CASZ1: variants seen among roughly 807,000 people sequenced by gnomAD.
The protein encoded by CASZ1 is zinc finger protein castor homolog 1.
In CASZ1, 28 loss-of-function variants were observed where a neutral mutation model predicts 135.2. The observed-to-expected ratio is 0.21, with a 90% CI of 0.15 to 0.28. The LOEUF (loss-of-function observed/expected upper bound fraction) is 0.28. Among genes scored for constraint, CASZ1 ranks in the 10% least tolerant of loss-of-function variants. CASZ1 has a pLI of 1.00. For synonymous variants in CASZ1, 1,068 were observed against 1,073.4 expected (o/e 0.99, Z 0.10); for missense variants, 2,161 against 2,453.3 (o/e 0.88, Z 2.52).
In CASZ1 at chr1:10,653,426, C is replaced by T. The variant is rs749857842; in HGVS notation, c.2631G>A (p.Met877Ile). The change falls in exon 11 of 21, where the codon ATG (methionine) becomes ATA (isoleucine). Residue 877 changes from methionine (M) to isoleucine (I), a missense_variant. Around this residue, in one of 7 missense-constraint regions of CASZ1, gnomAD observed 406 missense variants for 387.6 expected, o/e 1.05. Coordinates refer to ENST00000377022, the MANE Select transcript of CASZ1 (RefSeq NM_001079843.3). ...SASKGLISPM[M>I]ARLAAAALKP... is the part of the protein sequence containing the mutation. ...TGAGGGCAGCTGCAGCCAGCCTGGC[C>T]ATCATGGGCGAGATGAGGCCCTTGC... The T allele has an allele frequency of 6.2e-7, 1 of 1,613,334 alleles. No individual in the cohort carries two copies. Among genetic ancestry groups the T allele is most frequent in the Admixed American group, 1.7e-5 (1 of 60,022 alleles).
At chr1:10,651,118 G>T (rs1642565691) in intron 11 of CASZ1, 42 bp from the exon 12 acceptor site, 1 of 1,438,134 alleles carries the variant, frequency 7.0e-7, no homozygotes, top group Middle Eastern at 2.5e-4. Context: ...GGGGCTGAAG[G>T]CCTGGCCCGG....
At position 10,709,060 on chromosome 1, in the gene CASZ1, G is replaced by A. The variant is rs1003722067; in HGVS notation, c.-76-3516C>T. ...AGGCGGAGAAGTGGCAGGGACCAGC[G>A]TACCAGGACCTGAAGGGGCCTCCTC... On this transcript the variant is annotated intron_variant, in intron 2 of 20. Coordinates refer to ENST00000377022, the MANE Select transcript of CASZ1 (RefSeq NM_001079843.3). This position sits in a 1 kb window ranked among gnomAD's most constrained non-coding sequence, Gnocchi z 5.1. Among the ~76,000 whole-genome samples the A allele has an allele frequency of 1.3e-5, 2 of 152,016 alleles. No homozygotes were observed. The highest frequency in any genetic ancestry group is 1.3e-4 in the Admixed American group (2 of 15,264).
chr1:10,765,265 G>A (rs205487), intron 1 of CASZ1, among the ~76,000 whole-genome samples: 2,321 of 152,006 alleles, frequency 0.015, 52 homozygotes, highest in African/African-American at 0.052. Flanking sequence ...GAGAGGGTAC[G>A]TGGTGGAAGA....
rs1639486258 is a variant in CASZ1, at chr1:10,720,945, C to T, written c.-76-15401G>A. On this transcript the variant is annotated intron_variant, in intron 2 of 20. Transcript: ENST00000377022. This position sits in a 1 kb window ranked among gnomAD's most constrained non-coding sequence, Gnocchi z 5.7. ...TCATGCCCTGCCTACCACCCACCGTCCCAGGGAAGTTCACCCTGCTCAGGG... is the reference window on the plus strand; with the variant it reads ...TCATGCCCTGCCTACCACCCACCGTTCCAGGGAAGTTCACCCTGCTCAGGG... 6.6e-6 allele frequency among the ~76,000 whole-genome samples: 1 copy of T among 152,150 alleles called. No homozygotes were observed. Among genetic ancestry groups the T allele is most frequent in the African/African-American group, 2.4e-5 (1 of 41,446 alleles).
Position 10,645,107 on chromosome 1 carries a change from G to A in CASZ1, c.3697-19C>T. 1.1e-5 allele frequency: 17 copies of A among 1,610,850 alleles called. No homozygotes were observed. The highest frequency in any genetic ancestry group is 1.3e-5 in the Non-Finnish European group (15 of 1,178,060). The stretch of plus-strand genomic sequence containing the variant: ...CGCAGTGCTGCAGGGAGACACGGGA[G>A]GGTCAGGACAGGCGGGTGACTTTCA... On this transcript the variant is annotated intron_variant, in intron 17 of 20. Transcript: ENST00000377022.
intron 4 of CASZ1, among the ~76,000 whole-genome samples, chr1:10,691,004 C>A (rs570523158): frequency 5.3e-5 from 8 of 152,094 alleles, no homozygotes; most frequent in South Asian, 2.1e-4. Context: ...TCCCCTCCCC[C>A]CTTCCCGCTC....
Position 10,700,729 on chromosome 1 carries a change from G to A in CASZ1, c.-24+4763C>T, listed in dbSNP as rs1639044794. On this transcript the variant is annotated intron_variant, in intron 3 of 20. Transcript: ENST00000377022. This position sits in a 1 kb window ranked among gnomAD's most constrained non-coding sequence, Gnocchi z 4.2. ...GCATCTTCAGGAAATCATCGTTAGT[G>A]GAACCCTAGGTCTGCTGATAGTGGG... Among the ~76,000 whole-genome samples the A allele has an allele frequency of 6.6e-6, 1 of 152,134 alleles. No individual in the cohort carries two copies. Among genetic ancestry groups the A allele is most frequent in the African/African-American group, 2.4e-5 (1 of 41,398 alleles).
At chr1:10,769,900 C>T (rs749293744) in intron 1 of CASZ1, among the ~76,000 whole-genome samples, 1 of 151,760 alleles carries the variant, frequency 6.6e-6, no homozygotes, top group Non-Finnish European at 1.5e-5. Context: ...CAAGGACCAG[C>T]CTGCAAGATC....
intron 1 of CASZ1, among the ~76,000 whole-genome samples, chr1:10,795,827 C>A (rs975671797): frequency 2.0e-5 from 3 of 152,192 alleles, no homozygotes; most frequent in Non-Finnish European, 4.4e-5. Context: ...TCTAAGAAAT[C>A]TCTTGCCTTC....
chr1:10,654,439 C>A lies in CASZ1; in HGVS notation c.1818G>T (p.Lys606Asn). The A allele has an allele frequency of 6.2e-7, 1 of 1,614,120 alleles. No individual in the cohort carries two copies. Among genetic ancestry groups the A allele is most frequent in the South Asian group, 1.1e-5 (1 of 91,060 alleles). Residue 606 changes from lysine (K) to asparagine (N), a missense_variant, in exon 10 of 21, where the codon AAG becomes AAT. By Grantham distance (94) the Lys-to-Asn change is moderately conservative. Coordinates refer to ENST00000377022, the MANE Select transcript of CASZ1 (RefSeq NM_001079843.3). ...CTTACCTGCAGTGGAAGTGCGTGGT[C>A]TTCTGTCCGTAGAACTGGCAGTCGG... Reference protein sequence around the residue: ...GTADCQFYGQKTTHFHCRRPG... With the variant: ...GTADCQFYGQNTTHFHCRRPG...
Position 10,725,140 on chromosome 1 carries a change from T to C in CASZ1, c.-76-19596A>G, listed in dbSNP as rs1166389010. Among the ~76,000 whole-genome samples the C allele has an allele frequency of 3.3e-5, 5 of 152,114 alleles. No homozygotes were observed. In the East Asian group the frequency reaches 9.7e-4, roughly 30 times the overall value. ...CTCGGTGGGGGTAGGATTCCCTAGT[T>C]GGCCAGGGAGCCCTGGATGGATACG... On this transcript the variant is annotated intron_variant, in intron 2 of 20. Coordinates refer to ENST00000377022, the MANE Select transcript of CASZ1 (RefSeq NM_001079843.3). The surrounding 1 kb of genome is among the most constrained non-coding windows in gnomAD (Gnocchi z 4.4).
At position 10,694,105 on chromosome 1, in the gene CASZ1, C is replaced by T. The variant is rs1411921210; in HGVS notation, c.-23-193G>A. On this transcript the variant is annotated intron_variant, in intron 3 of 20. Coordinates refer to ENST00000377022, the MANE Select transcript of CASZ1 (RefSeq NM_001079843.3). This position sits in a 1 kb window ranked among gnomAD's most constrained non-coding sequence, Gnocchi z 6.6. Reference sequence around the variant, plus strand: ...TCTCACGCTCGGCCCCGCACGCGCCCGCGGGTCCGCGCCGCCTGAGTTTCT... The same window carrying T: ...TCTCACGCTCGGCCCCGCACGCGCCTGCGGGTCCGCGCCGCCTGAGTTTCT... 2.0e-5 allele frequency among the ~76,000 whole-genome samples: 3 copies of T among 151,484 alleles called. No individual in the cohort carries two copies. The highest frequency in any genetic ancestry group is 7.3e-5 in the African/African-American group (3 of 41,340).
chr1:10,751,240 A>T (rs1312448416), intron 2 of CASZ1, among the ~76,000 whole-genome samples: 1 of 152,182 alleles, frequency 6.6e-6, no homozygotes, highest in Non-Finnish European at 1.5e-5. Context: ...GGACAGGGTG[A>T]CAAGGATCTG....
In CASZ1 at chr1:10,755,440, G is replaced by A. The variant is rs1418713866; in HGVS notation, c.-77+5261C>T. On this transcript the variant is annotated intron_variant, in intron 2 of 20. Coordinates refer to ENST00000377022, the MANE Select transcript of CASZ1 (RefSeq NM_001079843.3). This position sits in a 1 kb window ranked among gnomAD's most constrained non-coding sequence, Gnocchi z 4.3. ...TCAGGGACAGAGGCAGGGCAGAGGC[G>A]CTTCTCTCTTCGTCCACCACACCGC... is the stretch of plus-strand genomic sequence containing the variant. 6.6e-6 allele frequency among the ~76,000 whole-genome samples: 1 copy of A among 152,232 alleles called. No homozygotes were observed. The highest frequency in any genetic ancestry group is 1.5e-5 in the Non-Finnish European group (1 of 68,016).
In CASZ1 at chr1:10,739,641, GCTC is replaced by G. The variant is rs1179541033; in HGVS notation, c.-77+21057_-77+21059del. 1.3e-5 allele frequency among the ~76,000 whole-genome samples: 2 copies of G among 152,180 alleles called. No homozygotes were observed. The highest frequency in any genetic ancestry group is 2.9e-5 in the Non-Finnish European group (2 of 68,030). Reference sequence around the variant, plus strand: ...GTTGATCAAAACAACAGGGCCACCAGCTCCTCAAGAGTCCAAGCTATAGTTTGG... The same window carrying G: ...GTTGATCAAAACAACAGGGCCACCAGCTCAAGAGTCCAAGCTATAGTTTGG... On this transcript the variant is annotated intron_variant, in intron 2 of 20. Transcript: ENST00000377022. The surrounding 1 kb of genome is among the most constrained non-coding windows in gnomAD (Gnocchi z 4.8).
chr1:10,695,557 C>G (rs1208716320), intron 3 of CASZ1, among the ~76,000 whole-genome samples: 1 of 132,528 alleles, frequency 7.5e-6, no homozygotes, highest in Non-Finnish European at 1.7e-5. Flanking sequence ...AGGCCCATCC[C>G]GGCTCCTCCT....
In CASZ1 at chr1:10,666,303, C is replaced by T. The variant is rs905861162; in HGVS notation, c.17-732G>A. Among the ~76,000 whole-genome samples, 3 of 152,214 alleles carry T rather than the reference C, an allele frequency of 2.0e-5. No individual in the cohort carries two copies. The highest frequency in any genetic ancestry group is 4.4e-5 in the Non-Finnish European group (3 of 68,036). On this transcript the variant is annotated intron_variant, in intron 4 of 20. Coordinates refer to ENST00000377022, the MANE Select transcript of CASZ1 (RefSeq NM_001079843.3). This position sits in a 1 kb window ranked among gnomAD's most constrained non-coding sequence, Gnocchi z 5.2. The stretch of plus-strand genomic sequence containing the variant: ...GTGTTCCTCAGTCTCCTCCCTGCCT[C>T]AGGGTCTTCTCCAGCCCTTGCCAGC...
chr1:10,659,676 G>A (rs755877024), intron 6 of CASZ1, 26 bp downstream of exon 6: 5 of 1,576,282 alleles, frequency 3.2e-6, no homozygotes, highest in Non-Finnish European at 2.6e-6. Context: ...CTGGCTCTGG[G>A]CATTGTGGGG....
chr1:10,644,988 T>C lies in CASZ1; in HGVS notation c.3797A>G (p.His1266Arg). The C allele has an allele frequency of 6.2e-7, 1 of 1,614,074 alleles. No individual in the cohort carries two copies. Among genetic ancestry groups the C allele is most frequent in the Non-Finnish European group, 8.5e-7 (1 of 1,180,022 alleles). Reference sequence around the variant, plus strand: ...GGCTGCCCGCCGCTCCGCCTTCTCATGCTTCTTGATGTGCCAGGGGAGCTT... The same window carrying C: ...GGCTGCCCGCCGCTCCGCCTTCTCACGCTTCTTGATGTGCCAGGGGAGCTT... ...TTKLPWHIKK[H>R]EKAERRAANG... Residue 1266 changes from histidine (H) to arginine (R), a missense_variant, in exon 18 of 21, where the codon CAT becomes CGT. Coordinates refer to ENST00000377022, the MANE Select transcript of CASZ1 (RefSeq NM_001079843.3).
Sources: allele counts gnomAD v4.1 joint callset (sites outside exome capture counted in the v4.1 genomes callset), GRCh38; gene constraint gnomAD v4.1.1; regional missense constraint gnomAD v4.1.1; non-coding constraint Gnocchi (gnomAD v3.1); transcripts MANE v1.5; gene names NCBI Gene and HGNC (gene_info 2026-07-23, HGNC 2026-07-21).